The following ARHGAP17 variants were observed in gnomAD, a reference collection of about 807,000 sequenced individuals.
ARHGAP17 encodes the protein Rho GTPase activating protein 17, also known as rho GTPase-activating protein 17.
A neutral mutation model predicts 99.5 loss-of-function variants in ARHGAP17; 57 were observed. That is an observed-to-expected ratio of 0.57 (90% CI 0.46 to 0.71). The LOEUF is 0.71. Ranked by LOEUF, ARHGAP17 falls within the 30% of genes least tolerant of loss-of-function variation. The pLI, the probability that ARHGAP17 is intolerant of heterozygous loss-of-function variation, is 0.00. For synonymous variants in ARHGAP17, 417 were observed against 429.6 expected (o/e 0.97, Z 0.36); for missense variants, 1,000 against 1,122.4 (o/e 0.89, Z 1.56).
intron 6 of ARHGAP17, among the ~76,000 whole-genome samples, chr16:24,967,778 CAAAAAAAAAAAAA>C (rs940394750): frequency 3.4e-5 from 2 of 59,418 alleles, no homozygotes; most frequent in African/African-American, 1.2e-4. Context: ...GACCTTGACT[CAAAAAAAAAAAAA>C]AAAAAAGAAA....
chr16:24,982,996 A>ATTTTTTT lies in ARHGAP17; in HGVS notation c.54-3998_54-3992dup, dbSNP rs1193522045. 3.6e-4 allele frequency among the ~76,000 whole-genome samples: 17 copies of ATTTTTTT among 46,972 alleles called. 1 individual carries two copies. The highest frequency in any genetic ancestry group is 1.5e-3 in the African/African-American group (17 of 11,480). 30.8% of individuals were successfully genotyped at this position (46,972 alleles called of 152,430 possible). The stretch of plus-strand genomic sequence containing the variant: ...TATATATATATATATATATATATAT[A>ATTTTTTT]TTTTTTTTTTTTTTTTTTTTTTTTT... On this transcript the variant is annotated intron_variant, in intron 1 of 19. Transcript: ENST00000289968.
intron 1 of ARHGAP17, among the ~76,000 whole-genome samples, chr16:24,992,866 T>C (rs193130330): frequency 6.6e-5 from 10 of 152,264 alleles, no homozygotes; most frequent in Admixed American, 5.9e-4. Flanking sequence ...AATGGTGCGA[T>C]CGTAACTTAT....
chr16:24,931,156 G>A lies in ARHGAP17; in HGVS notation c.2143C>T (p.Pro715Ser). The A allele has an allele frequency of 1.3e-6, 2 of 1,599,992 alleles. No individual in the cohort carries two copies. Among genetic ancestry groups the A allele is most frequent in the South Asian group, 2.3e-5 (2 of 88,370 alleles). Residue 715 changes from proline to serine, a missense_variant, in exon 19 of 20, where the codon CCG becomes TCG. Physicochemically the swap from Pro to Ser is moderately conservative, Grantham distance 74 (BLOSUM62 -1). Transcript: ENST00000289968. ...LSPIQAPNHP[P>S]PQPPTQATPL... is the part of the protein sequence containing the mutation. Reference sequence around the variant, plus strand: ...GTGGCCTGCGTAGGGGGCTGCGGCGGTGGGTGATTGGGAGCTTGGATTGGA... The same window carrying A: ...GTGGCCTGCGTAGGGGGCTGCGGCGATGGGTGATTGGGAGCTTGGATTGGA...
chr16:24,940,096 T>A (rs1026840461), intron 16 of ARHGAP17, among the ~76,000 whole-genome samples: 4 of 150,120 alleles, frequency 2.7e-5, no homozygotes, highest in East Asian at 1.9e-4. Context: ...TAAAAAAAAA[T>A]TTTTTTTTGT....
rs560523646 is a variant in ARHGAP17 at position 24,992,313 on chromosome 16, A to T, written c.54-13308T>A. On this transcript the variant is annotated intron_variant, in intron 1 of 19. Coordinates refer to ENST00000289968, the MANE Select transcript of ARHGAP17 (RefSeq NM_001006634.3). ...AGAGCCCAAATAGTCATCCTGGCCA[A>T]TGACACATAGCTATTTTTTCTTTTT... Among the ~76,000 whole-genome samples the T allele has an allele frequency of 9.9e-5, 15 of 152,256 alleles. No individual in the cohort carries two copies. In the South Asian group the frequency reaches 2.5e-3, roughly 25 times the overall value.
At chr16:24,943,680 G>T in intron 15 of ARHGAP17, 91 bp downstream of exon 15, 1 of 1,111,840 alleles carries the variant, frequency 9.0e-7, no homozygotes, top group Non-Finnish European at 1.3e-6. Flanking sequence ...ACGTAATCAT[G>T]AAGAAGGATT....
chr16:24,968,608 T>C lies in ARHGAP17; in HGVS notation c.384+53A>G. The C allele has an allele frequency of 4.4e-6, 7 of 1,587,310 alleles. No individual in the cohort carries two copies. The South Asian group carries it at 7.7e-5, about 18-fold the overall frequency. On this transcript the variant is annotated intron_variant, in intron 5 of 19. Transcript: ENST00000289968. ...CTACTGTTAAAATTTTAACACTCAC[T>C]GTCCAGCCCACACCACTCTCGGCTC...
chr16:24,927,197 G>C (rs772285319), intron 19 of ARHGAP17, among the ~76,000 whole-genome samples: 10 of 152,202 alleles, frequency 6.6e-5, no homozygotes, highest in Non-Finnish European at 1.3e-4. Flanking sequence ...CTTGAACCTG[G>C]GAGGCGGAGC....
rs760497607 is a variant in ARHGAP17 at position 24,931,414 on chromosome 16, AAG to A, written c.1895-12_1895-11del. 1.1e-5 allele frequency: 17 copies of A among 1,501,388 alleles called. No individual in the cohort carries two copies. The highest frequency in any genetic ancestry group is 1.5e-5 in the Non-Finnish European group (17 of 1,128,242). 93.0% of individuals were successfully genotyped at this position (1,501,388 alleles called of 1,614,324 possible). On this transcript the variant is annotated splice_polypyrimidine_tract_variant and intron_variant, in intron 18 of 19. Transcript: ENST00000289968. Reference sequence around the variant, plus strand: ...GCGGGTTTTTTAACAGCTGCACAAAAAGAGAAAAAACACCTTTCAGTAGGAAC... The same window carrying A: ...GCGGGTTTTTTAACAGCTGCACAAAAAGAAAAAACACCTTTCAGTAGGAAC...
intron 1 of ARHGAP17, among the ~76,000 whole-genome samples, chr16:24,986,892 A>G (rs988322938): frequency 6.6e-6 from 1 of 152,250 alleles, no homozygotes; most frequent in Non-Finnish European, 1.5e-5. Context: ...CTGATAATTC[A>G]GTCCAAATGC....
chr16:24,939,147 G>A (rs2051235478), intron 17 of ARHGAP17, among the ~76,000 whole-genome samples: 1 of 152,230 alleles, frequency 6.6e-6, no homozygotes, highest in African/African-American at 2.4e-5. Context: ...GTGTGGCAAA[G>A]AATGCAAACC....
intron 1 of ARHGAP17, among the ~76,000 whole-genome samples, chr16:25,007,229 T>C (rs1342915000): frequency 6.6e-6 from 1 of 152,224 alleles, no homozygotes; most frequent in Non-Finnish European, 1.5e-5. Context: ...ATAAAGTGCT[T>C]ATCAACTTCT....
In ARHGAP17 at chr16:24,968,421, T is replaced by A; in HGVS notation, c.391A>T (p.Ile131Phe). The change falls in exon 6 of 20, where the codon ATT becomes TTT. Residue 131 changes from isoleucine to phenylalanine, a missense_variant. Physicochemically the swap from Ile to Phe is conservative, Grantham distance 21 (BLOSUM62 0). Coordinates refer to ENST00000289968, the MANE Select transcript of ARHGAP17 (RefSeq NM_001006634.3). ...DPLYGIAEVEIPNIQKQRKQL... is the reference protein window; with the variant it reads ...DPLYGIAEVEFPNIQKQRKQL... The stretch of plus-strand genomic sequence containing the variant: ...TTCCTCTGCTTCTGGATGTTGGGAA[T>A]CTCCACCTAAAAATAAGAACATACC... 1 of 1,614,164 alleles carries A rather than the reference T, an allele frequency of 6.2e-7. No individual in the cohort carries two copies. The highest frequency in any genetic ancestry group is 2.2e-5 in the East Asian group (1 of 44,892).
At position 24,930,865 on chromosome 16, in the gene ARHGAP17, G is replaced by C. The variant is rs766473946; in HGVS notation, c.2434C>G (p.Pro812Ala). The change falls in exon 19 of 20, where the codon CCC becomes GCC. Residue 812 changes from proline (P) to alanine (A), a missense_variant. Physicochemically the swap from Pro to Ala is conservative, Grantham distance 27. Around this residue, in one of 2 missense-constraint regions of ARHGAP17, gnomAD observed 528 missense variants for 511.4 expected, o/e 1.03. Transcript: ENST00000289968. ...KPRNRPSVPPPPQPPGVHSAG... is the reference protein window; with the variant it reads ...KPRNRPSVPPAPQPPGVHSAG... ...GAGTGGACACCAGGAGGTTGGGGGG[G>C]TGGGGGCACGCTGGGCCGGTTCCTT... 10 of 1,613,884 alleles carry C rather than the reference G, an allele frequency of 6.2e-6. No homozygotes were observed. Among genetic ancestry groups the C allele is most frequent in the Non-Finnish European group, 8.5e-6 (10 of 1,179,988 alleles).
intron 19 of ARHGAP17, among the ~76,000 whole-genome samples, chr16:24,928,976 C>T (rs1358725071): frequency 6.6e-6 from 1 of 152,008 alleles, no homozygotes; most frequent in South Asian, 2.1e-4. Context: ...TTAACTTGCA[C>T]TTAAAATACA....
intron 1 of ARHGAP17, among the ~76,000 whole-genome samples, chr16:24,989,557 T>C (rs982665603): frequency 1.9e-4 from 28 of 150,884 alleles, no homozygotes; most frequent in African/African-American, 6.6e-4. Context: ...CGGGAATCTA[T>C]AGAGGCAGAA....
At chr16:24,985,782 A>G (rs928670244) in intron 1 of ARHGAP17, among the ~76,000 whole-genome samples, 7 of 152,180 alleles carry the variant, frequency 4.6e-5, no homozygotes, top group African/African-American at 1.7e-4. Context: ...GCCAAGGCTG[A>G]GAAGTGCTGA....
At chr16:24,977,924 C>T (rs375237076) in intron 2 of ARHGAP17, among the ~76,000 whole-genome samples, 1 of 152,222 alleles carries the variant, frequency 6.6e-6, no homozygotes, top group East Asian at 1.9e-4. Flanking sequence ...CTTTGGGATG[C>T]TTTCTATTTT....
intron 19 of ARHGAP17, among the ~76,000 whole-genome samples, chr16:24,925,378 CA>C (rs1364378167): frequency 6.6e-6 from 1 of 151,952 alleles, no homozygotes; most frequent in Non-Finnish European, 1.5e-5. Context: ...GACTCTGTCT[CA>C]AAAAATACAC....
Sources: gnomAD v4.1 joint callset for allele counts (sites outside exome capture counted in the v4.1 genomes callset) on GRCh38, gnomAD v4.1.1 for gene constraint, gnomAD v4.1.1 regional missense constraint, MANE v1.5 for transcripts, NCBI Gene and HGNC (gene_info 2026-07-23, HGNC 2026-07-21) for gene names.